Variants in UMAD1 observed in about 807,000 individuals in gnomAD.
UMAD1 encodes UBAP1-MVB12-associated (UMA) domain containing 1.
Under a neutral mutation model 6.1 loss-of-function variants are expected in UMAD1, and 8 were observed. That is an observed-to-expected ratio of 1.30 (90% CI 0.76 to 2.35). UMAD1 has a LOEUF of 2.35. UMAD1 is among the 30% of genes most tolerant of loss of function. The probability of loss-of-function intolerance (pLI) is 0.00; values close to 1 mark genes in which losing one functional copy is unlikely to be tolerated. For synonymous variants in UMAD1, 56 were observed against 31.4 expected (o/e 1.78, Z -2.61); for missense variants, 130 against 78.4 (o/e 1.66, Z -2.49).
rs1042326255 is a variant in UMAD1, at chr7:7,877,789, C to G, written c.*251C>G. The stretch of plus-strand genomic sequence containing the variant: ...AGGCTATGAAGGTTTTAGGAAAGGA[C>G]TCGATTCCTTCAGATGGTCTCTCAA... On this transcript the variant is annotated 3_prime_UTR_variant, in exon 4 of 4. Transcript: ENST00000682710. 2.9e-5 allele frequency: 13 copies of G among 441,590 alleles called. No homozygotes were observed. The East Asian group carries it at 5.1e-4, about 17-fold the overall frequency. The allele number at this position is 441,590 out of a possible 1,614,324, so 27.4% of individuals were successfully genotyped here.
At chr7:7,643,311 T>G (rs1189946421) in intron 1 of UMAD1, among the ~76,000 whole-genome samples, 2 of 152,188 alleles carry the variant, frequency 1.3e-5, no homozygotes, top group African/African-American at 4.8e-5. Context: ...CAGATGGGCG[T>G]GCATGTAACT....
chr7:7,791,091 T>A (rs1782559712), intron 2 of UMAD1, among the ~76,000 whole-genome samples: 1 of 152,220 alleles, frequency 6.6e-6, no homozygotes, highest in Non-Finnish European at 1.5e-5. Context: ...TTTCACCATG[T>A]TGGCCAGGCT....
chr7:7,728,249 C>T (rs192488453), intron 2 of UMAD1, among the ~76,000 whole-genome samples: 4 of 152,312 alleles, frequency 2.6e-5, no homozygotes, highest in Non-Finnish European at 5.9e-5. Context: ...GTACCTCTAC[C>T]TGGGAAAATC....
chr7:7,658,245 G>A (rs993141053), intron 1 of UMAD1, among the ~76,000 whole-genome samples: 3 of 152,236 alleles, frequency 2.0e-5, no homozygotes, highest in Non-Finnish European at 2.9e-5. Context: ...ATACAATCAT[G>A]TCATCTGCAA....
chr7:7,860,539 T>C (rs987823506), intron 3 of UMAD1, among the ~76,000 whole-genome samples: 5 of 144,068 alleles, frequency 3.5e-5, no homozygotes, highest in Non-Finnish European at 1.5e-5. Context: ...GGCAGGTGGA[T>C]CACGGGGTCA....
At chr7:7,662,103 A>G (rs1409955482) in intron 1 of UMAD1, among the ~76,000 whole-genome samples, 3 of 152,036 alleles carry the variant, frequency 2.0e-5, no homozygotes, top group Non-Finnish European at 4.4e-5. Context: ...ATCTTTGTTT[A>G]CACTGTGAGG....
At chr7:7,837,559 A>C (rs1046908352) in intron 3 of UMAD1, among the ~76,000 whole-genome samples, 3 of 152,120 alleles carry the variant, frequency 2.0e-5, no homozygotes, top group Admixed American at 6.6e-5. Flanking sequence ...TATGCATGTT[A>C]ACATTTCTAG....
chr7:7,865,385 C>G (rs1784207083), intron 3 of UMAD1, among the ~76,000 whole-genome samples: 1 of 152,046 alleles, frequency 6.6e-6, no homozygotes. Context: ...AGGAAAAAGC[C>G]CATGTGTTTA....
chr7:7,805,460 A>C (rs984862674), intron 3 of UMAD1, among the ~76,000 whole-genome samples: 1 of 152,088 alleles, frequency 6.6e-6, no homozygotes, highest in Non-Finnish European at 1.5e-5. Flanking sequence ...CTGCTGCTCA[A>C]CGTCATCACT....
At chr7:7,658,810 C>T (rs1785405894) in intron 1 of UMAD1, among the ~76,000 whole-genome samples, 1 of 152,118 alleles carries the variant, frequency 6.6e-6, no homozygotes, top group Non-Finnish European at 1.5e-5. Context: ...CGGGATGATG[C>T]TGGCCTCATA....
At chr7:7,683,507 CAAAT>C (rs1779962681) in intron 2 of UMAD1, among the ~76,000 whole-genome samples, 1 of 152,004 alleles carries the variant, frequency 6.6e-6, no homozygotes, top group Admixed American at 6.6e-5. Flanking sequence ...AAACAAAAAG[CAAAT>C]AAAACCACAG....
chr7:7,680,003 T>A (rs993994705), intron 2 of UMAD1, among the ~76,000 whole-genome samples: 7 of 152,206 alleles, frequency 4.6e-5, no homozygotes, highest in Admixed American at 2.0e-4. Context: ...TCTTTACTGT[T>A]GATTAATCAT....
intron 2 of UMAD1, among the ~76,000 whole-genome samples, chr7:7,765,506 T>C (rs1781967490): frequency 6.6e-6 from 1 of 152,184 alleles, no homozygotes; most frequent in African/African-American, 2.4e-5. Flanking sequence ...ATATTACAAT[T>C]CTAAAATTTG....
At chr7:7,822,827 C>CT (rs879297760) in intron 3 of UMAD1, among the ~76,000 whole-genome samples, 74 of 144,916 alleles carry the variant, frequency 5.1e-4, no homozygotes, top group Middle Eastern at 7.0e-3. Flanking sequence ...AGACGAAAAA[C>CT]TTTTTTTTTT....
chr7:7,840,891 A>T (rs897668617), intron 3 of UMAD1, among the ~76,000 whole-genome samples: 6 of 152,122 alleles, frequency 3.9e-5, no homozygotes, highest in Non-Finnish European at 2.9e-5. Context: ...GAGGAGTTGT[A>T]CTCCATCATA....
intron 1 of UMAD1, among the ~76,000 whole-genome samples, chr7:7,657,090 G>T (rs192070507): frequency 6.6e-6 from 1 of 152,210 alleles, no homozygotes; most frequent in East Asian, 1.9e-4. Flanking sequence ...TTTTTCATAT[G>T]TTTGTTGTCT....
chr7:7,825,359 A>G (rs1783319394), intron 3 of UMAD1, among the ~76,000 whole-genome samples: 1 of 152,128 alleles, frequency 6.6e-6, no homozygotes, highest in African/African-American at 2.4e-5. Context: ...GTCCATTTTC[A>G]TGCTGCTGAT....
At chr7:7,785,140 T>C (rs1197946360) in intron 2 of UMAD1, among the ~76,000 whole-genome samples, 1 of 152,180 alleles carries the variant, frequency 6.6e-6, no homozygotes, top group African/African-American at 2.4e-5. Flanking sequence ...ATAAATCAAG[T>C]AGGCATAGAA....
intron 3 of UMAD1, among the ~76,000 whole-genome samples, chr7:7,806,408 A>G (rs775347229): frequency 1.4e-4 from 22 of 152,118 alleles, no homozygotes; most frequent in Non-Finnish European, 2.2e-4. Flanking sequence ...GTCTTTTATG[A>G]GTTCACTATA....
Sources: allele counts gnomAD v4.1 joint callset (sites outside exome capture counted in the v4.1 genomes callset), GRCh38; gene constraint gnomAD v4.1.1; transcripts MANE v1.5; gene names NCBI Gene and HGNC (gene_info 2026-07-23, HGNC 2026-07-21).